Variants in PRKCE observed in about 807,000 individuals in gnomAD.
PRKCE encodes protein kinase C epsilon type.
PRKCE carries 16 observed loss-of-function variants against 85.4 expected under a neutral mutation model. The ratio of observed to expected loss-of-function variants is 0.19; its 90% CI spans 0.13 to 0.28. The LOEUF is 0.28. PRKCE is among the 10% of genes least tolerant of loss of function. The pLI, the probability that PRKCE is intolerant of heterozygous loss-of-function variation, is 1.00. For synonymous variants in PRKCE, 388 were observed against 371.5 expected (o/e 1.04, Z -0.51); for missense variants, 573 against 975.2 (o/e 0.59, Z 5.49).
rs911571016 is a variant in PRKCE at position 45,652,073 on chromosome 2, A to C, written c.-28A>C. 6.8e-7 allele frequency: 1 copy of C among 1,464,316 alleles called. No homozygotes were observed. Among genetic ancestry groups the C allele is most frequent in the Non-Finnish European group, 9.2e-7 (1 of 1,082,276 alleles). 90.7% of individuals were successfully genotyped at this position (1,464,316 alleles called of 1,614,324 possible). ...TCCTGCCCTCGGGGCAGACGGAGTGACCCCGGCCCCCACTCCCCGCCCCGA... is the reference window on the plus strand; with the variant it reads ...TCCTGCCCTCGGGGCAGACGGAGTGCCCCCGGCCCCCACTCCCCGCCCCGA... On this transcript the variant is annotated 5_prime_UTR_variant, in exon 1 of 15. Coordinates refer to ENST00000306156, the MANE Select transcript of PRKCE (RefSeq NM_005400.3). The surrounding 1 kb of genome is among the most constrained non-coding windows in gnomAD (Gnocchi z 7.7).
chr2:45,738,590 A>G (rs1682281942), intron 1 of PRKCE, among the ~76,000 whole-genome samples: 2 of 152,178 alleles, frequency 1.3e-5, no homozygotes, highest in Non-Finnish European at 2.9e-5. Flanking sequence ...TTATATAACC[A>G]CAGATCTTAG....
intron 1 of PRKCE, among the ~76,000 whole-genome samples, chr2:45,754,464 G>A (rs755313756): frequency 2.6e-5 from 4 of 152,122 alleles, no homozygotes; most frequent in Non-Finnish European, 4.4e-5. Context: ...TATTCTCCGT[G>A]GGGTTTCTTT....
chr2:46,051,482 G>A (rs1257089844), intron 10 of PRKCE, among the ~76,000 whole-genome samples: 2 of 152,210 alleles, frequency 1.3e-5, no homozygotes, highest in African/African-American at 4.8e-5. Context: ...TGGTGCAAGA[G>A]AGTGCCCTTG....
intron 1 of PRKCE, among the ~76,000 whole-genome samples, chr2:45,735,898 G>A (rs1490380811): frequency 6.6e-6 from 1 of 152,216 alleles, no homozygotes; most frequent in Non-Finnish European, 1.5e-5. Context: ...ACTACTATGT[G>A]CTAGGCACTG....
At chr2:45,935,799 A>G (rs868242115) in intron 2 of PRKCE, among the ~76,000 whole-genome samples, 55 of 150,360 alleles carry the variant, frequency 3.7e-4, no homozygotes, top group African/African-American at 1.3e-3. Context: ...AAAAAAAAAA[A>G]TCGCAGCTTA....
chr2:45,655,276 C>T (rs1675324297), intron 1 of PRKCE, among the ~76,000 whole-genome samples: 1 of 152,198 alleles, frequency 6.6e-6, no homozygotes, highest in African/African-American at 2.4e-5. Flanking sequence ...CTGTTAGCCA[C>T]ATGTGGCCCG....
chr2:45,812,587 C>A (rs1264736042), intron 1 of PRKCE, among the ~76,000 whole-genome samples: 1 of 152,186 alleles, frequency 6.6e-6, no homozygotes, highest in Non-Finnish European at 1.5e-5. Flanking sequence ...GTATCCACTT[C>A]ACAAGCTTGT....
chr2:45,992,148 G>A (rs1703850786), intron 6 of PRKCE, among the ~76,000 whole-genome samples: 1 of 152,204 alleles, frequency 6.6e-6, no homozygotes, highest in South Asian at 2.1e-4. Flanking sequence ...GCAAGAGAGG[G>A]CCTGGAAAGG....
chr2:46,134,719 G>T (rs1293513508), intron 11 of PRKCE, among the ~76,000 whole-genome samples: 3 of 152,232 alleles, frequency 2.0e-5, no homozygotes, highest in Non-Finnish European at 4.4e-5. Flanking sequence ...TCAGAAAAGT[G>T]ACTTGCTTGT....
intron 1 of PRKCE, among the ~76,000 whole-genome samples, chr2:45,794,776 C>G (rs1393697124): frequency 6.6e-6 from 1 of 151,876 alleles, no homozygotes. Context: ...TTGAAGTATT[C>G]ATCAAAATGA....
rs1353814775 is a variant in PRKCE at position 45,786,790 on chromosome 2, C to T, written c.349-56210C>T. ...TCCTCCAACAGTTCAGTGAGGTAAC[C>T]ACTACCCTCACCCCCGTTTTACAGA... On this transcript the variant is annotated intron_variant, in intron 1 of 14. Transcript: ENST00000306156. This position sits in a 1 kb window ranked among gnomAD's most constrained non-coding sequence, Gnocchi z 5.3. Among the ~76,000 whole-genome samples, 4 of 152,220 alleles carry T rather than the reference C, an allele frequency of 2.6e-5. No homozygotes were observed. Among genetic ancestry groups the T allele is most frequent in the Admixed American group, 2.6e-4 (4 of 15,288 alleles).
intron 10 of PRKCE, among the ~76,000 whole-genome samples, chr2:46,058,473 C>G (rs1327777619): frequency 6.6e-6 from 1 of 152,172 alleles, no homozygotes; most frequent in African/African-American, 2.4e-5. Context: ...GAAAAAGGGT[C>G]TGAATTTTAA....
chr2:45,773,043 C>T (rs1025913653), intron 1 of PRKCE, among the ~76,000 whole-genome samples: 5 of 152,318 alleles, frequency 3.3e-5, no homozygotes, highest in South Asian at 2.1e-4. Flanking sequence ...TAATAACTTC[C>T]TTCTGGCTGC....
intron 2 of PRKCE, among the ~76,000 whole-genome samples, chr2:45,951,496 TG>T (rs1700618092): frequency 6.6e-6 from 1 of 152,210 alleles, no homozygotes. Flanking sequence ...AAGGCTTCTC[TG>T]GGCCCAGAAA....
At chr2:46,148,070 T>G (rs996147819) in intron 12 of PRKCE, among the ~76,000 whole-genome samples, 3 of 152,180 alleles carry the variant, frequency 2.0e-5, no homozygotes, top group African/African-American at 7.2e-5. Context: ...AGAGACAGCT[T>G]TGGAGGCATG....
intron 1 of PRKCE, among the ~76,000 whole-genome samples, chr2:45,808,027 G>A (rs755362781): frequency 6.6e-6 from 1 of 152,054 alleles, no homozygotes; most frequent in Non-Finnish European, 1.5e-5. Context: ...CTCCAAGGCT[G>A]CCCACAGATT....
intron 10 of PRKCE, among the ~76,000 whole-genome samples, chr2:46,084,093 G>T (rs180960281): frequency 4.6e-5 from 7 of 152,278 alleles, no homozygotes; most frequent in African/African-American, 1.7e-4. Flanking sequence ...TAAACAGTGG[G>T]CAAGGCAGCC....
chr2:45,672,246 G>GCATCCATCCATC (rs57355156), intron 1 of PRKCE, among the ~76,000 whole-genome samples: 1 of 150,408 alleles, frequency 6.6e-6, no homozygotes, highest in African/African-American at 2.4e-5. Context: ...ATCTGTCTAT[G>GCATCCATCCATC]CATCCATCCA....
At chr2:45,724,794 G>A (rs974856750) in intron 1 of PRKCE, among the ~76,000 whole-genome samples, 42 of 152,200 alleles carry the variant, frequency 2.8e-4, no homozygotes, top group African/African-American at 9.9e-4. Flanking sequence ...ATTCTATGAA[G>A]GTTGACAGGT....
Sources: gnomAD v4.1 joint callset for allele counts (sites outside exome capture counted in the v4.1 genomes callset) on GRCh38, gnomAD v4.1.1 for gene constraint, Gnocchi (gnomAD v3.1) non-coding constraint, MANE v1.5 for transcripts, NCBI Gene and HGNC (gene_info 2026-07-23, HGNC 2026-07-21) for gene names.